Variants in DTL observed in about 807,000 individuals in gnomAD.
The protein encoded by DTL is denticleless protein homolog.
A neutral mutation model predicts 87.0 loss-of-function variants in DTL; 46 were observed. The ratio of observed to expected loss-of-function variants is 0.53; its 90% CI spans 0.42 to 0.68. The LOEUF (loss-of-function observed/expected upper bound fraction) is 0.68, where lower values mean the gene tolerates loss of function less well. Among genes scored for constraint, DTL ranks in the 30% least tolerant of loss-of-function variants. DTL has a pLI of 0.00. For synonymous variants in DTL, 308 were observed against 311.2 expected (o/e 0.99, Z 0.11); for missense variants, 737 against 869.4 (o/e 0.85, Z 1.91).
intron 10 of DTL, among the ~76,000 whole-genome samples, chr1:212,071,087 T>G (rs1162510768): frequency 6.6e-6 from 1 of 152,212 alleles, no homozygotes; most frequent in Non-Finnish European, 1.5e-5. Flanking sequence ...ACTTTCACAG[T>G]AAAAATGTCT....
chr1:212,068,778 G>A, intron 10 of DTL, 75 bp downstream of exon 10: 3 of 928,154 alleles, frequency 3.2e-6, no homozygotes, highest in Non-Finnish European at 5.1e-6. Context: ...AATTTAATGG[G>A]CTTTCTTCTA....
At chr1:212,101,427 C>T (rs1324668672) in intron 14 of DTL, among the ~76,000 whole-genome samples, 1 of 152,106 alleles carries the variant, frequency 6.6e-6, no homozygotes. Flanking sequence ...CATCATGCTC[C>T]AGGATATCAA....
In DTL at chr1:212,057,167, A is replaced by G. The variant is rs1571951580; in HGVS notation, c.461-5717A>G. On this transcript the variant is annotated intron_variant, in intron 5 of 14. Coordinates refer to ENST00000366991, the MANE Select transcript of DTL (RefSeq NM_016448.4). ...GGCTCCAAGATCCCCACATGGATATAATTCAAAAAGGTTTTTTTTCCATGG... is the reference window on the plus strand; with the variant it reads ...GGCTCCAAGATCCCCACATGGATATGATTCAAAAAGGTTTTTTTTCCATGG... Among the ~76,000 whole-genome samples the G allele has an allele frequency of 2.0e-5, 3 of 152,262 alleles. No individual in the cohort carries two copies. In the Middle Eastern group the frequency reaches 0.01, roughly 518 times the overall value.
At chr1:212,093,435 G>A (rs866053105) in intron 13 of DTL, among the ~76,000 whole-genome samples, 17 of 152,360 alleles carry the variant, frequency 1.1e-4, no homozygotes, top group Middle Eastern at 3.4e-3. Flanking sequence ...AGAAGACTCG[G>A]ATCACATGTG....
intron 5 of DTL, among the ~76,000 whole-genome samples, chr1:212,055,453 C>T (rs900880733): frequency 1.3e-5 from 2 of 152,134 alleles, no homozygotes; most frequent in African/African-American, 4.8e-5. Flanking sequence ...AGCCCAGCCC[C>T]CACCAGACTG....
intron 13 of DTL, among the ~76,000 whole-genome samples, chr1:212,092,608 T>G (rs1187503760): frequency 6.6e-6 from 1 of 152,218 alleles, no homozygotes; most frequent in Non-Finnish European, 1.5e-5. Flanking sequence ...TTCCATTTTA[T>G]GGCTAAGTAG....
At chr1:212,045,617 CAT>C (rs1667786576) in intron 3 of DTL, among the ~76,000 whole-genome samples, 1 of 152,094 alleles carries the variant, frequency 6.6e-6, no homozygotes, top group African/African-American at 2.4e-5. Context: ...AGAAAGCTCT[CAT>C]GTAGTAAAGA....
At chr1:212,087,549 C>CAA (rs369051935) in intron 13 of DTL, among the ~76,000 whole-genome samples, 2 of 131,102 alleles carry the variant, frequency 1.5e-5, no homozygotes, top group African/African-American at 5.5e-5. Flanking sequence ...AACTCTGTCT[C>CAA]AAAAAAAAAA....
rs1246296120 is a variant in DTL at position 212,059,802 on chromosome 1, A to C, written c.461-3082A>C. Among the ~76,000 whole-genome samples, 5 of 149,140 alleles carry C rather than the reference A, an allele frequency of 3.4e-5. 1 individual carries two copies. The highest frequency in any genetic ancestry group is 2.7e-4 in the Admixed American group (4 of 15,020). Reference sequence around the variant, plus strand: ...TACAAAAAAAAAAAAAAAAAAAAAAAACCTCAGATCTGATAAATTCATTAA... The same window carrying C: ...TACAAAAAAAAAAAAAAAAAAAAAACACCTCAGATCTGATAAATTCATTAA... On this transcript the variant is annotated intron_variant, in intron 5 of 14. Coordinates refer to ENST00000366991, the MANE Select transcript of DTL (RefSeq NM_016448.4).
rs778978180 is a variant in DTL, at chr1:212,066,896, A to G, written c.713+11A>G. On this transcript the variant is annotated intron_variant, in intron 8 of 14. Coordinates refer to ENST00000366991, the MANE Select transcript of DTL (RefSeq NM_016448.4). ...AGGAGCTGTGGATGGGTAAGAGTCTATTTCTTTTTTCTTCCGACGAGATCT... is the reference window on the plus strand; with the variant it reads ...AGGAGCTGTGGATGGGTAAGAGTCTGTTTCTTTTTTCTTCCGACGAGATCT... 3.0e-5 allele frequency: 49 copies of G among 1,608,958 alleles called. No individual in the cohort carries two copies. Among genetic ancestry groups the G allele is most frequent in the Non-Finnish European group, 4.1e-5 (48 of 1,176,088 alleles).
chr1:212,084,936 A>G (rs1655085486), intron 13 of DTL, among the ~76,000 whole-genome samples: 1 of 152,180 alleles, frequency 6.6e-6, no homozygotes, highest in Admixed American at 6.5e-5. Flanking sequence ...ATTATCTATG[A>G]TGTAGTATTT....
chr1:212,100,306 A>G lies in DTL; in HGVS notation c.1316A>G (p.Asn439Ser), dbSNP rs1395349062. 10 of 1,609,338 alleles carry G rather than the reference A, an allele frequency of 6.2e-6. No individual in the cohort carries two copies. The Admixed American group carries it at 1.2e-4, about 19-fold the overall frequency. The change falls in exon 14 of 15, where the codon AAT becomes AGT. Residue 439 changes from asparagine to serine, a missense_variant. Asn to Ser is a conservative substitution (Grantham distance 46). Coordinates refer to ENST00000366991, the MANE Select transcript of DTL (RefSeq NM_016448.4). ...GCCAAAGCCCCCAGGGCAAAGTGCA[A>G]TCCATCCAATTCTTCCCCGTCATCC... ...TPAKAPRAKCNPSNSSPSSAA... is the reference protein window; with the variant it reads ...TPAKAPRAKCSPSNSSPSSAA...
chr1:212,047,039 T>C lies in DTL; in HGVS notation c.278-112T>C, dbSNP rs116622923. ...GTTTTGATTTGCATTTCTCTAATGA[T>C]CAACTACTGATCTTTTTACTACTAC... On this transcript the variant is annotated intron_variant, in intron 3 of 14. Coordinates refer to ENST00000366991, the MANE Select transcript of DTL (RefSeq NM_016448.4). 2,495 of 884,288 alleles carry C rather than the reference T, an allele frequency of 2.8e-3. 42 individuals carry two copies. The African/African-American group carries it at 0.037, about 13-fold the overall frequency. 54.8% of individuals were successfully genotyped at this position (884,288 alleles called of 1,614,324 possible).
rs113864458 is a variant in DTL at position 212,102,739 on chromosome 1, A to G, written c.2095-103A>G. The G allele has an allele frequency of 3.0e-3, 2,280 of 756,470 alleles. 45 individuals are homozygous for G. The African/African-American group carries it at 0.034, about 11-fold the overall frequency. The allele number at this position is 756,470 out of a possible 1,614,324, so 46.9% of individuals were successfully genotyped here. ...GTATTTGGAGCTGAAAGCAGGCTAA[A>G]CAATGAAATTTCTGGCAGCCTAATT... On this transcript the variant is annotated intron_variant, in intron 14 of 14. Transcript: ENST00000366991.
In DTL at chr1:212,100,906, CT is replaced by C; in HGVS notation, c.1919del (p.Leu640Ter). The C allele has an allele frequency of 6.2e-7, 1 of 1,614,178 alleles. No individual in the cohort carries two copies. Among genetic ancestry groups the C allele is most frequent in the Non-Finnish European group, 8.5e-7 (1 of 1,180,028 alleles). ...GAAAGCTGTGGAACGCTACCTCTTC[CT>C]TTGAGACCTTGTGGAGAAGGGTCTG... is the stretch of plus-strand genomic sequence containing the variant. ...ASESCGTLPL[P>X]LRPCGEGSEM... On this transcript the variant is annotated frameshift_variant, in exon 14 of 15. Transcript: ENST00000366991. LOFTEE classifies it high-confidence loss of function.
At chr1:212,072,276 T>C in intron 11 of DTL, 63 bp downstream of exon 11, 1 of 1,273,332 alleles carries the variant, frequency 7.9e-7, no homozygotes, top group Non-Finnish European at 1.1e-6. Flanking sequence ...ATTTGTTCTG[T>C]CCAATATGAG....
chr1:212,088,791 T>C (rs1443591501), intron 13 of DTL, among the ~76,000 whole-genome samples: 1 of 152,124 alleles, frequency 6.6e-6, no homozygotes, highest in East Asian at 1.9e-4. Context: ...GGCAAACTCA[T>C]ATAGAAAGAA....
chr1:212,057,835 C>T (rs769570108), intron 5 of DTL, among the ~76,000 whole-genome samples: 4 of 152,020 alleles, frequency 2.6e-5, no homozygotes, highest in Admixed American at 6.6e-5. Context: ...CTACAAGAAA[C>T]GCATCTCACC....
intron 7 of DTL, 93 bp downstream of exon 7, chr1:212,065,122 G>T: frequency 1.1e-6 from 1 of 925,376 alleles, no homozygotes; most frequent in South Asian, 1.5e-5. Context: ...GAATCTTCAT[G>T]ATTCTCATTT....
Sources: allele counts gnomAD v4.1 joint callset (sites outside exome capture counted in the v4.1 genomes callset), GRCh38; gene constraint gnomAD v4.1.1; transcripts MANE v1.5; gene names NCBI Gene and HGNC (gene_info 2026-07-23, HGNC 2026-07-21).